Variants in AXIN1 observed in about 807,000 individuals in gnomAD.
AXIN1 encodes the protein axin 1.
Under a neutral mutation model 76.4 loss-of-function variants are expected in AXIN1, and 30 were observed. The ratio of observed to expected loss-of-function variants is 0.39; its 90% CI spans 0.29 to 0.53. AXIN1 has a LOEUF of 0.53. Ranked by LOEUF, AXIN1 falls within the 20% of genes least tolerant of loss-of-function variation. The pLI is 0.66. For missense variants in AXIN1, 1,140 were observed against 1,198.8 expected, an observed-to-expected ratio of 0.95 and a Z score of 0.72; for synonymous variants, 545 against 501.4, an observed-to-expected ratio of 1.09 and a Z score of -1.16.
intron 2 of AXIN1, among the ~76,000 whole-genome samples, chr16:321,693 G>A (rs2053461588): frequency 6.6e-6 from 1 of 151,734 alleles, no homozygotes; most frequent in African/African-American, 2.4e-5. Flanking sequence ...GGGAATATGA[G>A]GTAGAAGGCG....
At chr16:335,567 T>G (rs1444917136) in intron 2 of AXIN1, among the ~76,000 whole-genome samples, 1 of 151,022 alleles carries the variant, frequency 6.6e-6, no homozygotes. Context: ...TGCATGCCAA[T>G]AACACAGCAC....
In AXIN1 at chr16:346,802, C is replaced by A. The variant is rs1481193650; in HGVS notation, c.224G>T (p.Ser75Ile). 1.2e-6 allele frequency: 2 copies of A among 1,612,580 alleles called. No homozygotes were observed. The highest frequency in any genetic ancestry group is 2.2e-5 in the East Asian group (1 of 44,846). Residue 75 changes from serine to isoleucine, a missense_variant, in exon 2 of 11, where the codon AGT (serine) becomes ATT (isoleucine). Ser to Ile is a moderately radical substitution (Grantham distance 142, BLOSUM62 -2). Around this residue, in one of 3 missense-constraint regions of AXIN1, gnomAD observed 708 missense variants for 776.9 expected, o/e 0.91. Coordinates refer to ENST00000262320, the MANE Select transcript of AXIN1 (RefSeq NM_003502.4). ...DLDLGYEPEG[S>I]ASPTPPYLKW... is the part of the protein sequence containing the mutation. ...CAAGTATGGTGGGGTGGGGGAGGCA[C>A]TGCCCTCAGGCTCATACCCCAGGTC... is the stretch of plus-strand genomic sequence containing the variant.
At chr16:298,571 G>C (rs894902465) in intron 5 of AXIN1, among the ~76,000 whole-genome samples, 1 of 152,114 alleles carries the variant, frequency 6.6e-6, no homozygotes, top group Non-Finnish European at 1.5e-5. Flanking sequence ...ACAGTGGTGT[G>C]ATCTCAGCTC....
chr16:299,934 T>G (rs554809458), intron 5 of AXIN1, among the ~76,000 whole-genome samples: 7 of 151,988 alleles, frequency 4.6e-5, no homozygotes, highest in African/African-American at 1.7e-4. Flanking sequence ...GGATTACAAG[T>G]GTGAGCCACC....
In AXIN1 at chr16:291,535, G is replaced by A. The variant is rs2052561727; in HGVS notation, c.2187-238C>T. ...CATGATCCCGGCACCAACCCCCTGA[G>A]TTCCCTGGACCGCACTTTGGGGAGC... On this transcript the variant is annotated intron_variant, in intron 8 of 10. Coordinates refer to ENST00000262320, the MANE Select transcript of AXIN1 (RefSeq NM_003502.4). 1.4e-5 allele frequency: 8 copies of A among 587,968 alleles called. No individual in the cohort carries two copies. In the East Asian group the frequency reaches 2.3e-4, roughly 17 times the overall value. The allele number at this position is 587,968 out of a possible 1,614,324, so 36.4% of individuals were successfully genotyped here. A position where few individuals can be genotyped will look rare whatever the true frequency, so the allele number is the denominator to read the frequency against.
intron 2 of AXIN1, among the ~76,000 whole-genome samples, chr16:335,998 G>C (rs1256347427): frequency 6.6e-6 from 1 of 152,206 alleles, no homozygotes; most frequent in Non-Finnish European, 1.5e-5. Context: ...ACTTTGGGAG[G>C]CCAAGGCAGG....
At chr16:336,848 C>G (rs988024353) in intron 2 of AXIN1, among the ~76,000 whole-genome samples, 1 of 138,546 alleles carries the variant, frequency 7.2e-6, no homozygotes, top group Admixed American at 7.3e-5. Flanking sequence ...AACATAAATA[C>G]AAGAACTTAA....
rs376526765 is a variant in AXIN1, at chr16:334,096, T to C, written c.878+12052A>G. On this transcript the variant is annotated intron_variant, in intron 2 of 10. Coordinates refer to ENST00000262320, the MANE Select transcript of AXIN1 (RefSeq NM_003502.4). ...ACCAAGGCACACCACTAACACAGCA[T>C]CCAGTACCACGGCATGCCAATAACA... Among the ~76,000 whole-genome samples, 648 of 80,978 alleles carry C rather than the reference T, an allele frequency of 8.0e-3. 1 individual carries two copies. Among genetic ancestry groups the C allele is most frequent in the African/African-American group, 0.023 (455 of 19,994 alleles). The allele number at this position is 80,978 out of a possible 152,430, so 53.1% of individuals were successfully genotyped here.
intron 5 of AXIN1, chr16:299,330 G>A: frequency 1.3e-6 from 1 of 756,566 alleles, no homozygotes; most frequent in Non-Finnish European, 1.6e-6. Context: ...AGAAAGAGAG[G>A]GAACTAAGTT....
chr16:297,253 C>A (rs2141504763), intron 6 of AXIN1, 27 bp from the exon 7 acceptor site: 1 of 1,601,930 alleles, frequency 6.2e-7, no homozygotes, highest in Non-Finnish European at 8.5e-7. Context: ...TGCGAGTCGC[C>A]CTGGCCTCCG....
intron 2 of AXIN1, among the ~76,000 whole-genome samples, chr16:322,341 G>A (rs1208487844): frequency 6.6e-6 from 1 of 152,244 alleles, no homozygotes; most frequent in East Asian, 1.9e-4. Context: ...AATAACTCAT[G>A]ACTGAGTATG....
chr16:307,135 G>A (rs879263968), intron 4 of AXIN1, among the ~76,000 whole-genome samples: 6 of 152,188 alleles, frequency 3.9e-5, no homozygotes, highest in Admixed American at 1.3e-4. Flanking sequence ...GCAGACAGAC[G>A]CGCTTATGGT....
intron 2 of AXIN1, among the ~76,000 whole-genome samples, chr16:318,976 T>TCTGACCC (rs1309104912): frequency 5.3e-5 from 8 of 150,344 alleles, no homozygotes; most frequent in African/African-American, 1.7e-4. Flanking sequence ...TGAGAGCGGC[T>TCTGACCC]CTGGCTGTGC....
At chr16:290,111 G>A (rs1043472095) in intron 9 of AXIN1, 3 of 202,222 alleles carry the variant, frequency 1.5e-5, no homozygotes, top group African/African-American at 7.0e-5. Context: ...CTCCTGCCCA[G>A]GCTGAGCCGG....
At chr16:296,825 C>T (rs989663810) in intron 7 of AXIN1, among the ~76,000 whole-genome samples, 2 of 152,122 alleles carry the variant, frequency 1.3e-5, no homozygotes, top group Non-Finnish European at 2.9e-5. Flanking sequence ...CCCTCCTGCT[C>T]GGGGCTTCAG....
At chr16:325,033 G>A (rs895811232) in intron 2 of AXIN1, among the ~76,000 whole-genome samples, 12 of 152,140 alleles carry the variant, frequency 7.9e-5, no homozygotes, top group Non-Finnish European at 1.2e-4. Flanking sequence ...GTCCTACCTG[G>A]CACGTTCTGA....
intron 7 of AXIN1, among the ~76,000 whole-genome samples, chr16:294,541 G>A (rs983819425): frequency 6.6e-6 from 1 of 151,100 alleles, no homozygotes; most frequent in Admixed American, 6.6e-5. Flanking sequence ...GATCATCTGA[G>A]GTCAGGAGTT....
rs1281159388 is a variant in AXIN1 at position 293,666 on chromosome 16, G to T, written c.2008C>A (p.Leu670Ile). ...TGAGGGCCGGCCCAGGGGTGCTCAA[G>T]GGACAAGGGTCTGGAGTTCTCATGG... The part of the protein sequence containing the change: ...QPHENSRPLS[L>I]EHPWAGPQLR... Residue 670 changes from leucine to isoleucine, a missense_variant, in exon 8 of 11, where the codon CTT becomes ATT. Coordinates refer to ENST00000262320, the MANE Select transcript of AXIN1 (RefSeq NM_003502.4). This position sits in a 1 kb window ranked among gnomAD's most constrained non-coding sequence, Gnocchi z 4.6. 6.2e-7 allele frequency: 1 copy of T among 1,613,754 alleles called. No individual in the cohort carries two copies. Among genetic ancestry groups the T allele is most frequent in the Non-Finnish European group, 8.5e-7 (1 of 1,180,022 alleles).
At chr16:300,116 A>G (rs962606207) in intron 5 of AXIN1, among the ~76,000 whole-genome samples, 12 of 151,644 alleles carry the variant, frequency 7.9e-5, no homozygotes, top group Admixed American at 2.0e-4. Flanking sequence ...AATTTTTTGT[A>G]TTTTTAGTAG....
Sources: allele counts gnomAD v4.1 joint callset (sites outside exome capture counted in the v4.1 genomes callset), GRCh38; gene constraint gnomAD v4.1.1; regional missense constraint gnomAD v4.1.1; non-coding constraint Gnocchi (gnomAD v3.1); transcripts MANE v1.5; gene names NCBI Gene and HGNC (gene_info 2026-07-23, HGNC 2026-07-21).